Variants in ZNF503 observed in about 807,000 individuals in gnomAD.
ZNF503 encodes the protein zinc finger protein 503, also known as NocA-like zinc finger 2.
Under a neutral mutation model 34.4 loss-of-function variants are expected in ZNF503, and 15 were observed. The observed-to-expected ratio is 0.44, with a 90% CI of 0.29 to 0.67. ZNF503 has a LOEUF of 0.67. Among genes scored for constraint, ZNF503 ranks in the 30% least tolerant of loss-of-function variants. The pLI, the probability that ZNF503 is intolerant of heterozygous loss-of-function variation, is 0.13. For synonymous variants in ZNF503, 580 were observed against 456.8 expected, an observed-to-expected ratio of 1.27 and a Z score of -3.44; for missense variants, 1,007 against 926.8, an observed-to-expected ratio of 1.09 and a Z score of -1.12.
chr10:75,330,068 T>C, the ZNF503 span, among the ~76,000 whole-genome samples: 1 of 152,216 alleles, frequency 6.6e-6, no homozygotes, highest in African/African-American at 2.4e-5. Context: ...TATGAATGAA[T>C]GTTGAGTTTT....
the ZNF503 span, among the ~76,000 whole-genome samples, chr10:75,381,115 C>G: frequency 1.3e-5 from 2 of 152,224 alleles, no homozygotes; most frequent in African/African-American, 2.4e-5. Flanking sequence ...CATTATCTAG[C>G]CTCTCTTGTA....
At chr10:75,314,027 A>G in the ZNF503 span, among the ~76,000 whole-genome samples, 1 of 152,224 alleles carries the variant, frequency 6.6e-6, no homozygotes. Context: ...ACTTCAGGGA[A>G]CATGAAAAAT....
chr10:75,356,162 G>A, the ZNF503 span, among the ~76,000 whole-genome samples: 1 of 152,170 alleles, frequency 6.6e-6, no homozygotes, highest in Non-Finnish European at 1.5e-5. Context: ...GGGATGTCAA[G>A]ATTCTAGAAA....
chr10:75,382,500 C>T, the ZNF503 span: 2 of 731,068 alleles, frequency 2.7e-6, no homozygotes, highest in Non-Finnish European at 4.3e-6. Context: ...ACAGCAGCAA[C>T]CTCTTCTTTT....
chr10:75,334,512 T>C, the ZNF503 span, among the ~76,000 whole-genome samples: 1 of 152,210 alleles, frequency 6.6e-6, no homozygotes, highest in African/African-American at 2.4e-5. Flanking sequence ...TAGTGCAGAT[T>C]TGAGGCTCTA....
the ZNF503 span, among the ~76,000 whole-genome samples, chr10:75,343,854 C>T: frequency 1.3e-5 from 2 of 152,334 alleles, no homozygotes; most frequent in East Asian, 3.9e-4. Context: ...ATGCCCACCC[C>T]TGTTACATGA....
the ZNF503 span, among the ~76,000 whole-genome samples, chr10:75,339,963 C>T: frequency 6.6e-6 from 1 of 151,996 alleles, no homozygotes; most frequent in Non-Finnish European, 1.5e-5. Context: ...CGCCTGTAAT[C>T]CCAGCACTTT....
the ZNF503 span, among the ~76,000 whole-genome samples, chr10:75,344,065 C>T: frequency 6.6e-6 from 1 of 152,328 alleles, no homozygotes; most frequent in East Asian, 1.9e-4. Context: ...CAGTCTATAG[C>T]TAATTAGCTG....
chr10:75,355,297 C>G, the ZNF503 span, among the ~76,000 whole-genome samples: 1 of 151,818 alleles, frequency 6.6e-6, no homozygotes, highest in Non-Finnish European at 1.5e-5. Context: ...ACCTTTTTTT[C>G]TTTTTAAAAT....
At chr10:75,347,318 A>AC in the ZNF503 span, among the ~76,000 whole-genome samples, 1,939 of 152,282 alleles carry the variant, frequency 0.013, 51 homozygotes, top group African/African-American at 0.045. Flanking sequence ...GGAAAATGTG[A>AC]CCCCTCGACT....
At chr10:75,291,276 C>G in the ZNF503 span, among the ~76,000 whole-genome samples, 14 of 152,310 alleles carry the variant, frequency 9.2e-5, no homozygotes, top group African/African-American at 2.9e-4. Context: ...ACATGATGCT[C>G]TAGTCTAACC....
At position 75,401,694 on chromosome 10, in the gene ZNF503, C is replaced by G; in HGVS notation, c.-275G>C. On this transcript the variant is annotated 5_prime_UTR_variant, in exon 1 of 2. Transcript: ENST00000372524. ...GTCCGCCTCGGGCTGCTCCCCTGCGCTGCGTTCTCGCGGCCCCGCGCCGGC... is the reference window on the plus strand; with the variant it reads ...GTCCGCCTCGGGCTGCTCCCCTGCGGTGCGTTCTCGCGGCCCCGCGCCGGC... The G allele has an allele frequency of 2.3e-6, 1 of 434,966 alleles. No individual in the cohort carries two copies. The highest frequency in any genetic ancestry group is 4.0e-6 in the Non-Finnish European group (1 of 247,456). The allele number at this position is 434,966 out of a possible 1,614,324, so 26.9% of individuals were successfully genotyped here.
At chr10:75,330,704 A>G in the ZNF503 span, among the ~76,000 whole-genome samples, 1 of 150,758 alleles carries the variant, frequency 6.6e-6, no homozygotes, top group Non-Finnish European at 1.5e-5. Context: ...TACCTTTTTG[A>G]TTTTTGATTT....
intron 1 of ZNF503, 25 bp from the exon 2 acceptor site, chr10:75,400,399 G>T: frequency 6.3e-7 from 1 of 1,585,798 alleles, no homozygotes; most frequent in South Asian, 1.1e-5. Flanking sequence ...GATGGGGGGG[G>T]AGCGTCACAC....
Position 75,399,148 on chromosome 10 carries a change from G to A in ZNF503, c.1542C>T (p.His514=), listed in dbSNP as rs757507486. 1.4e-5 allele frequency: 22 copies of A among 1,613,254 alleles called. No homozygotes were observed. The South Asian group carries it at 2.2e-4, about 16-fold the overall frequency. The change falls in exon 2 of 2, where the codon CAC becomes CAT. Residue 514 remains histidine (H), a synonymous_variant. Coordinates refer to ENST00000372524, the MANE Select transcript of ZNF503 (RefSeq NM_032772.6). ...GFMLPNDPLP[H]ICNWVSANGP... ...CGTTGGCCGACACCCAGTTGCAGAT[G>A]TGGGGGAGTGGGTCGTTAGGGAGCA...
At chr10:75,382,826 TG>T in the ZNF503 span, 1 of 276,554 alleles carries the variant, frequency 3.6e-6, no homozygotes. Context: ...TAGTGGGTAT[TG>T]GAGAATGGAA....
chr10:75,289,231 G>T, the ZNF503 span, among the ~76,000 whole-genome samples: 1 of 152,180 alleles, frequency 6.6e-6, no homozygotes, highest in African/African-American at 2.4e-5. Flanking sequence ...GGGACAGAGG[G>T]CCATGCTGGG....
At chr10:75,359,114 G>C in the ZNF503 span, 1 of 152,190 alleles carries the variant, frequency 6.6e-6, no homozygotes, top group African/African-American at 2.4e-5. Context: ...CATAAATCCT[G>C]CCCCAACACT....
rs763178400 is a variant in ZNF503 at position 75,399,334 on chromosome 10, T to G, written c.1356A>C (p.Ala452=). ...CCGCAGCCGCAGCAGCCGGATCATG[T>G]GCGCAAGAAGCGCTGGCGGCCGCCG... The part of the protein sequence containing the change: ...AGAAAASASC[A]HDPAAAAAAL... Residue 452 remains alanine, a synonymous_variant, in exon 2 of 2, where the codon GCA becomes GCC. Coordinates refer to ENST00000372524, the MANE Select transcript of ZNF503 (RefSeq NM_032772.6). The G allele has an allele frequency of 3.7e-6, 6 of 1,605,414 alleles. No homozygotes were observed. In the East Asian group the frequency reaches 9.0e-5, roughly 24 times the overall value.
Sources: gnomAD v4.1 joint callset for allele counts (sites outside exome capture counted in the v4.1 genomes callset) on GRCh38, gnomAD v4.1.1 for gene constraint, MANE v1.5 for transcripts, NCBI Gene and HGNC (gene_info 2026-07-23, HGNC 2026-07-21) for gene names.